The following CFAP54 variants were observed in gnomAD, a reference collection of about 807,000 sequenced individuals.
CFAP54 encodes cilia- and flagella-associated protein 54.
In CFAP54, 290 loss-of-function variants were observed where a neutral mutation model predicts 370.4. That is an observed-to-expected ratio of 0.78 (90% CI 0.71 to 0.86). CFAP54 has a LOEUF of 0.86. Among genes scored for constraint, CFAP54 ranks in the 40% least tolerant of loss-of-function variants. The probability of loss-of-function intolerance (pLI) is 0.00; values close to 1 mark genes in which losing one functional copy is unlikely to be tolerated. For synonymous variants in CFAP54, 1,206 were observed against 1,236.5 expected, an observed-to-expected ratio of 0.98 and a Z score of 0.52; for missense variants, 3,399 against 3,528.7, an observed-to-expected ratio of 0.96 and a Z score of 0.93.
In CFAP54 at chr12:96,535,587, GCACTGCTCCC is replaced by G. The variant is rs780816354; in HGVS notation, c.1781_1790del (p.Thr594ArgfsTer14). The G allele has an allele frequency of 6.5e-6, 10 of 1,533,560 alleles. No homozygotes were observed. Among genetic ancestry groups the G allele is most frequent in the Non-Finnish European group, 8.7e-6 (10 of 1,144,650 alleles). 95.0% of individuals were successfully genotyped at this position (1,533,560 alleles called of 1,614,324 possible). On this transcript the variant is annotated frameshift_variant, in exon 12 of 68. Transcript: ENST00000524981. LOFTEE classifies it high-confidence loss of function. ...GCAGCAACCTTGTATGTCTGTGTCT[GCACTGCTCCC>G]CAGGTGAAATAGCTATTTTAAATAA... is the stretch of plus-strand genomic sequence containing the variant.
intron 50 of CFAP54, among the ~76,000 whole-genome samples, chr12:96,739,685 ATTATGT>A (rs1433369799): frequency 1.3e-5 from 2 of 152,124 alleles, no homozygotes. Context: ...TTTAGTTTCT[ATTATGT>A]CTCAGTCACT....
intron 66 of CFAP54, among the ~76,000 whole-genome samples, chr12:96,836,338 C>A (rs1959186149): frequency 1.3e-5 from 2 of 152,166 alleles, no homozygotes; most frequent in Admixed American, 6.6e-5. Flanking sequence ...GAGGGCCACA[C>A]TGAAATGTAA....
chr12:96,764,269 A>G lies in CFAP54; in HGVS notation c.8139+20A>G. ...GCACAGGTTGGTGTGATTTTTGTTT[A>G]ATCTTTCTTCTTACTGTCATATCTG... On this transcript the variant is annotated intron_variant, in intron 59 of 67. Coordinates refer to ENST00000524981, the MANE Select transcript of CFAP54 (RefSeq NM_001306084.2). 1 of 1,558,650 alleles carries G rather than the reference A, an allele frequency of 6.4e-7. No homozygotes were observed. Among genetic ancestry groups the G allele is most frequent in the Non-Finnish European group, 8.8e-7 (1 of 1,132,888 alleles).
At chr12:96,699,452 A>G (rs569722845) in intron 45 of CFAP54, among the ~76,000 whole-genome samples, 3 of 152,296 alleles carry the variant, frequency 2.0e-5, no homozygotes, top group South Asian at 2.1e-4. Flanking sequence ...CAATTTACCT[A>G]TGTAACAAAC....
At chr12:96,772,397 T>C (rs1238682538) in intron 60 of CFAP54, among the ~76,000 whole-genome samples, 2 of 152,190 alleles carry the variant, frequency 1.3e-5, no homozygotes, top group African/African-American at 2.4e-5. Context: ...AGAGGCCACC[T>C]GAATTCCTTG....
intron 62 of CFAP54, among the ~76,000 whole-genome samples, chr12:96,787,739 C>G (rs1389265599): frequency 1.3e-5 from 2 of 152,108 alleles, no homozygotes; most frequent in East Asian, 1.9e-4. Flanking sequence ...AGTAGAGAAA[C>G]AGTGACAGGG....
Position 96,706,085 on chromosome 12 carries a change from T to A in CFAP54, c.6528+1289T>A, listed in dbSNP as rs534883963. On this transcript the variant is annotated intron_variant, in intron 47 of 67. Transcript: ENST00000524981. ...AAGGCAATAGGCTGCCAATCAGCAT[T>A]AGTTCTGATGCTGTCAATCAACATT... Among the ~76,000 whole-genome samples the A allele has an allele frequency of 3.9e-5, 6 of 152,290 alleles. No homozygotes were observed. The East Asian group carries it at 1.2e-3, about 29-fold the overall frequency.
chr12:96,655,690 T>C (rs1956913791), intron 36 of CFAP54, among the ~76,000 whole-genome samples: 1 of 151,964 alleles, frequency 6.6e-6, no homozygotes, highest in African/African-American at 2.4e-5. Context: ...AAAAATTTAA[T>C]AAAGGAGGAG....
At position 96,501,572 on chromosome 12, in the gene CFAP54, C is replaced by T. The variant is rs187746160; in HGVS notation, c.423+633C>T. On this transcript the variant is annotated intron_variant, in intron 2 of 67. Transcript: ENST00000524981. ...TGAGACCACAGCATGGCTGGGTTTT[C>T]CATTAATGATCATGTGAGTTTCCCC... Among the ~76,000 whole-genome samples, 55 of 152,272 alleles carry T rather than the reference C, an allele frequency of 3.6e-4. 1 individual carries two copies. The highest frequency in any genetic ancestry group is 1.2e-3 in the African/African-American group (49 of 41,546).
chr12:96,859,483 G>A (rs1388927092), intron 66 of CFAP54, among the ~76,000 whole-genome samples: 2 of 151,898 alleles, frequency 1.3e-5, no homozygotes, highest in Non-Finnish European at 1.5e-5. Flanking sequence ...TTGGCTTGCT[G>A]CAGCCTCTGC....
In CFAP54 at chr12:96,679,180, G is replaced by A. The variant is rs117023431; in HGVS notation, c.5564-420G>A. On this transcript the variant is annotated intron_variant, in intron 39 of 67. Coordinates refer to ENST00000524981, the MANE Select transcript of CFAP54 (RefSeq NM_001306084.2). ...GGAATCTGTCTTTTCCTTCCCTTCC[G>A]AGAGCAGATGCCCATCTCCAAGCAA... is the stretch of plus-strand genomic sequence containing the variant. Among the ~76,000 whole-genome samples the A allele has an allele frequency of 8.4e-3, 1,274 of 151,950 alleles. 5 individuals carry two copies. The highest frequency in any genetic ancestry group is 0.014 in the Non-Finnish European group (942 of 67,986).
chr12:96,576,975 T>C (rs1955985030), intron 20 of CFAP54, among the ~76,000 whole-genome samples: 1 of 152,206 alleles, frequency 6.6e-6, no homozygotes, highest in Non-Finnish European at 1.5e-5. Flanking sequence ...CTGTATTGCA[T>C]TGCTATACCC....
At chr12:96,814,024 G>T (rs1958952378) in intron 64 of CFAP54, among the ~76,000 whole-genome samples, 1 of 152,186 alleles carries the variant, frequency 6.6e-6, no homozygotes, top group African/African-American at 2.4e-5. Context: ...CTTTGCATGA[G>T]GACTCAGCCT....
At chr12:96,704,940 A>T (rs927059997) in intron 47 of CFAP54, 144 bp downstream of exon 47, 1 of 314,644 alleles carries the variant, frequency 3.2e-6, no homozygotes, top group African/African-American at 2.2e-5. Flanking sequence ...AGTATCTTTC[A>T]CAAAAAGAGG....
intron 67 of CFAP54, among the ~76,000 whole-genome samples, chr12:96,870,901 A>G (rs1207201743): frequency 1.3e-5 from 2 of 152,192 alleles, no homozygotes; most frequent in African/African-American, 4.8e-5. Context: ...TATGGAAACA[A>G]ACTAGGTGAG....
intron 57 of CFAP54, among the ~76,000 whole-genome samples, chr12:96,757,252 A>G (rs1317609679): frequency 1.3e-5 from 2 of 152,294 alleles, no homozygotes. Flanking sequence ...CAGTTATAGC[A>G]TGGAGTGTTG....
intron 59 of CFAP54, 89 bp from the exon 60 acceptor site, chr12:96,764,988 A>T: frequency 6.0e-6 from 6 of 998,982 alleles, no homozygotes; most frequent in Non-Finnish European, 8.0e-6. Flanking sequence ...TTATTTTATG[A>T]ATTCACTTTT....
intron 66 of CFAP54, among the ~76,000 whole-genome samples, chr12:96,832,834 C>T (rs1959175044): frequency 6.6e-6 from 1 of 152,080 alleles, no homozygotes; most frequent in South Asian, 2.1e-4. Context: ...AAAGCACTGC[C>T]CATCCAAGAT....
chr12:96,737,260 C>A (rs1957989777), intron 50 of CFAP54, among the ~76,000 whole-genome samples: 1 of 152,018 alleles, frequency 6.6e-6, no homozygotes. Context: ...ATGGGATACT[C>A]AACTTGTATC....
Sources: gnomAD v4.1 joint callset for allele counts (sites outside exome capture counted in the v4.1 genomes callset) on GRCh38, gnomAD v4.1.1 for gene constraint, MANE v1.5 for transcripts, NCBI Gene and HGNC (gene_info 2026-07-23, HGNC 2026-07-21) for gene names.